Variants in ZNF292 observed in about 807,000 individuals in gnomAD.
The protein encoded by ZNF292 is zinc finger protein 292.
A neutral mutation model predicts 217.9 loss-of-function variants in ZNF292; 26 were observed. The ratio of observed to expected loss-of-function variants is 0.12; its 90% CI spans 0.09 to 0.17. The LOEUF is 0.17. Among genes scored for constraint, ZNF292 ranks in the 10% least tolerant of loss-of-function variants. ZNF292 has a pLI of 1.00. For missense variants in ZNF292, 2,904 were observed against 3,175.2 expected, an observed-to-expected ratio of 0.91 and a Z score of 2.05; for synonymous variants, 1,257 against 1,124.1, an observed-to-expected ratio of 1.12 and a Z score of -2.37.
intron 1 of ZNF292, among the ~76,000 whole-genome samples, chr6:87,156,732 C>T (rs1770552987): frequency 6.6e-6 from 1 of 152,158 alleles, no homozygotes; most frequent in Admixed American, 6.5e-5. Context: ...GCATTCTAAC[C>T]AGAATTTGGA....
chr6:87,246,426 A>G (rs1774588198), intron 7 of ZNF292, among the ~76,000 whole-genome samples: 1 of 152,236 alleles, frequency 6.6e-6, no homozygotes, highest in Non-Finnish European at 1.5e-5. Flanking sequence ...TTTGGGCTCA[A>G]AAGGTAAAAC....
In ZNF292 at chr6:87,204,554, A is replaced by ATTTTTTTTTTTTTTT. The variant is rs68087857; in HGVS notation, c.169-11337_169-11323dup. The stretch of plus-strand genomic sequence containing the variant: ...TAGGATTTGGTTGGTAACATTTAGG[A>ATTTTTTTTTTTTTTT]TTTTTTTTTTTTTTTTTTTTTTTTT... On this transcript the variant is annotated intron_variant, in intron 1 of 7. Coordinates refer to ENST00000369577, the MANE Select transcript of ZNF292 (RefSeq NM_015021.3). Among the ~76,000 whole-genome samples, 19 of 63,638 alleles carry ATTTTTTTTTTTTTTT rather than the reference A, an allele frequency of 3.0e-4. 3 individuals are homozygous for ATTTTTTTTTTTTTTT. Among genetic ancestry groups the ATTTTTTTTTTTTTTT allele is most frequent in the African/African-American group, 8.3e-4 (12 of 14,378 alleles). The allele number at this position is 63,638 out of a possible 152,430, so 41.7% of individuals were successfully genotyped here. A position where few individuals can be genotyped will look rare whatever the true frequency, so the allele number is the denominator to read the frequency against.
chr6:87,256,433 T>G lies in ZNF292; in HGVS notation c.2804T>G (p.Val935Gly). The change falls in exon 8 of 8, where the codon GTA becomes GGA. Residue 935 changes from valine (V) to glycine (G), a missense_variant. Physicochemically the swap from Val to Gly is moderately radical, Grantham distance 109 (BLOSUM62 -3). Around this residue, in one of 15 missense-constraint regions of ZNF292, gnomAD observed 687 missense variants for 623.0 expected, o/e 1.10. Coordinates refer to ENST00000369577, the MANE Select transcript of ZNF292 (RefSeq NM_015021.3). ...ATTPLLQSSEVAVSIKVSLNQ... is the reference protein window; with the variant it reads ...ATTPLLQSSEGAVSIKVSLNQ... Reference sequence around the variant, plus strand: ...ACTCCTCTACTTCAATCCAGTGAAGTAGCTGTGTCCATTAAGGTGTCTCTC... The same window carrying G: ...ACTCCTCTACTTCAATCCAGTGAAGGAGCTGTGTCCATTAAGGTGTCTCTC... 1.2e-6 allele frequency: 2 copies of G among 1,607,296 alleles called. No homozygotes were observed. The highest frequency in any genetic ancestry group is 1.7e-6 in the Non-Finnish European group (2 of 1,179,788).
Position 87,183,092 on chromosome 6 carries a change from T to G in ZNF292, c.168+27333T>G, listed in dbSNP as rs375922751. Among the ~76,000 whole-genome samples, 151 of 152,272 alleles carry G rather than the reference T, an allele frequency of 9.9e-4. 3 individuals are homozygous for G. The South Asian group carries it at 0.031, about 31-fold the overall frequency. On this transcript the variant is annotated intron_variant, in intron 1 of 7. Transcript: ENST00000369577. ...TATAAATGACTGTGTATACAGTGAATGTTGCTGAAAAAGAAAAAATGCTTG... is the reference window on the plus strand; with the variant it reads ...TATAAATGACTGTGTATACAGTGAAGGTTGCTGAAAAAGAAAAAATGCTTG...
At chr6:87,177,008 C>G (rs992365931) in intron 1 of ZNF292, among the ~76,000 whole-genome samples, 3 of 151,964 alleles carry the variant, frequency 2.0e-5, no homozygotes, top group South Asian at 2.1e-4. Flanking sequence ...CGGCCCCCCA[C>G]TCCTCCCCAC....
intron 1 of ZNF292, among the ~76,000 whole-genome samples, chr6:87,205,873 T>C (rs1772237317): frequency 6.6e-6 from 1 of 152,250 alleles, no homozygotes. Flanking sequence ...CTTTGTCCAA[T>C]TTAAGTTGGC....
chr6:87,201,605 T>G (rs1438872910), intron 1 of ZNF292, among the ~76,000 whole-genome samples: 1 of 152,078 alleles, frequency 6.6e-6, no homozygotes, highest in Non-Finnish European at 1.5e-5. Flanking sequence ...GGTTTCTCCA[T>G]GTTGGTCAGG....
intron 1 of ZNF292, among the ~76,000 whole-genome samples, chr6:87,177,490 A>G (rs139832133): frequency 6.6e-6 from 1 of 152,142 alleles, no homozygotes; most frequent in Non-Finnish European, 1.5e-5. Flanking sequence ...TTTTCTTGCC[A>G]TAGGAAAATT....
chr6:87,166,496 T>G (rs890518217), intron 1 of ZNF292, among the ~76,000 whole-genome samples: 5 of 152,198 alleles, frequency 3.3e-5, no homozygotes, highest in African/African-American at 1.2e-4. Flanking sequence ...CAGCACAGTG[T>G]CTGGCACAAG....
chr6:87,229,935 A>G (rs1458821295), intron 4 of ZNF292, among the ~76,000 whole-genome samples: 2 of 151,386 alleles, frequency 1.3e-5, no homozygotes, highest in African/African-American at 4.8e-5. Flanking sequence ...GTAGATTGCT[A>G]CGAAGTAGTC....
At chr6:87,233,259 A>T (rs1006759529) in intron 4 of ZNF292, 66 bp from the exon 5 acceptor site, 2 of 1,116,892 alleles carry the variant, frequency 1.8e-6, no homozygotes, top group African/African-American at 3.2e-5. Context: ...TATTTCTTAT[A>T]AGTGTTGGTA....
intron 1 of ZNF292, among the ~76,000 whole-genome samples, chr6:87,186,436 A>G (rs1237680466): frequency 6.6e-6 from 1 of 152,196 alleles, no homozygotes; most frequent in African/African-American, 2.4e-5. Context: ...TGATGTTCTC[A>G]TATTTCTGTG....
intron 4 of ZNF292, among the ~76,000 whole-genome samples, chr6:87,229,673 G>T (rs1470938231): frequency 6.6e-6 from 1 of 152,136 alleles, no homozygotes; most frequent in Non-Finnish European, 1.5e-5. Context: ...TGATCCACCT[G>T]CCTTGGCCTC....
At position 87,258,483 on chromosome 6, in the gene ZNF292, T is replaced by C. The variant is rs1775365406; in HGVS notation, c.4854T>C (p.Ser1618=). 4 of 1,613,544 alleles carry C rather than the reference T, an allele frequency of 2.5e-6. No homozygotes were observed. The African/African-American group carries it at 5.3e-5, about 22-fold the overall frequency. Residue 1618 remains serine (S), a synonymous_variant, in exon 8 of 8, where the codon AGT becomes AGC. Coordinates refer to ENST00000369577, the MANE Select transcript of ZNF292 (RefSeq NM_015021.3). ...VISGPQNTRS[S]HLNKKGNSAS... ...GTGGTCCTCAGAACACAAGATCCAG[T>C]CATTTAAATAAAAAGGGAAACAGTG... is the stretch of plus-strand genomic sequence containing the variant.
Position 87,255,688 on chromosome 6 carries a change from T to C in ZNF292, c.2059T>C (p.Phe687Leu), listed in dbSNP as rs200991861. Reference protein sequence around the residue: ...PVNEFNCPVTFCKKGFKYFKN... With the variant: ...PVNEFNCPVTLCKKGFKYFKN... ...TAATGAATTTAATTGCCCTGTAACTTTTTGTAAAAAGGGCTTTAAGTACTT... is the reference window on the plus strand; with the variant it reads ...TAATGAATTTAATTGCCCTGTAACTCTTTGTAAAAAGGGCTTTAAGTACTT... The change falls in exon 8 of 8, where the codon TTT becomes CTT. Residue 687 changes from phenylalanine to leucine, a missense_variant. Coordinates refer to ENST00000369577, the MANE Select transcript of ZNF292 (RefSeq NM_015021.3). The C allele has an allele frequency of 2.4e-5, 39 of 1,613,424 alleles. No homozygotes were observed. Among genetic ancestry groups the C allele is most frequent in the Non-Finnish European group, 3.3e-5 (39 of 1,179,652 alleles).
intron 1 of ZNF292, among the ~76,000 whole-genome samples, chr6:87,189,129 C>T (rs185685783): frequency 1.3e-5 from 2 of 152,066 alleles, no homozygotes; most frequent in East Asian, 1.9e-4. Context: ...TGTTTGAACC[C>T]GAGAGACAGA....
chr6:87,204,891 A>G (rs2127792152), intron 1 of ZNF292, among the ~76,000 whole-genome samples: 1 of 152,074 alleles, frequency 6.6e-6, no homozygotes. Flanking sequence ...ATCGCTGTGT[A>G]TGTCTGAGAT....
Position 87,258,336 on chromosome 6 carries a change from T to G in ZNF292, c.4707T>G (p.Val1569=), listed in dbSNP as rs372769657. 3.1e-6 allele frequency: 5 copies of G among 1,613,678 alleles called. No individual in the cohort carries two copies. The highest frequency in any genetic ancestry group is 3.4e-6 in the Non-Finnish European group (4 of 1,179,772). The change falls in exon 8 of 8, where the codon GTT becomes GTG. Residue 1569 remains valine, a synonymous_variant. Coordinates refer to ENST00000369577, the MANE Select transcript of ZNF292 (RefSeq NM_015021.3). ...SSIEECSSLP[V]FPTNDLLLKT... ...TTGAGGAATGTAGCAGCTTGCCTGT[T>G]TTTCCAACGAATGACTTACTACTGA...
rs760151633 is a variant in ZNF292 at position 87,261,364 on chromosome 6, G to A, written c.7735G>A (p.Ala2579Thr). 1.2e-6 allele frequency: 2 copies of A among 1,613,110 alleles called. No homozygotes were observed. Among genetic ancestry groups the A allele is most frequent in the Non-Finnish European group, 1.7e-6 (2 of 1,179,604 alleles). ...CATTCAAACCATTGAGGAGCATCCT[G>A]CATCTTTTGACTGGAGCTCTTTTAA... ...VAIQTIEEHP[A>T]SFDWSSFKPM... is the part of the protein sequence containing the mutation. Residue 2579 changes from alanine to threonine, a missense_variant, in exon 8 of 8, where the codon GCA (alanine) becomes ACA (threonine). Transcript: ENST00000369577.
Sources: allele counts gnomAD v4.1 joint callset (sites outside exome capture counted in the v4.1 genomes callset), GRCh38; gene constraint gnomAD v4.1.1; regional missense constraint gnomAD v4.1.1; transcripts MANE v1.5; gene names NCBI Gene and HGNC (gene_info 2026-07-23, HGNC 2026-07-21).